The following EVC variants were observed in gnomAD, a reference collection of about 807,000 sequenced individuals.
The protein encoded by EVC is EvC ciliary complex subunit 1.
A neutral mutation model predicts 118.9 loss-of-function variants in EVC; 116 were observed. The ratio of observed to expected loss-of-function variants is 0.98; its 90% confidence interval spans 0.84 to 1.14. The LOEUF (loss-of-function observed/expected upper bound fraction) is 1.14, where lower values mean the gene tolerates loss of function less well. Among genes scored for constraint, EVC ranks in the 50% most tolerant of loss-of-function variants. The pLI, the probability that EVC is intolerant of heterozygous loss-of-function variation, is 0.00. For synonymous variants in EVC, 619 were observed against 534.7 expected (o/e 1.16, Z -2.18); for missense variants, 1,401 against 1,246.4 (o/e 1.12, Z -1.87).
intron 2 of EVC, among the ~76,000 whole-genome samples, chr4:5,729,042 A>C (rs1022099044): frequency 6.6e-6 from 1 of 151,816 alleles, no homozygotes; most frequent in East Asian, 1.9e-4. Context: ...TCATCTGTCT[A>C]CCTATCCATC....
chr4:5,748,968 ATTGGGGTGC>A lies in EVC; in HGVS notation c.1098+663_1098+671del, dbSNP rs537048629. The stretch of plus-strand genomic sequence containing the variant: ...ATCCCAGAGTTTCTGACTTAATCAG[ATTGGGGTGC>A]AACCTGGCTGGGCATTGGGGTTTTT... On this transcript the variant is annotated intron_variant, in intron 8 of 20. Transcript: ENST00000264956. 4.3e-4 allele frequency among the ~76,000 whole-genome samples: 66 copies of A among 152,148 alleles called. 1 individual carries two copies. Among genetic ancestry groups the A allele is most frequent in the African/African-American group, 1.6e-3 (66 of 41,504 alleles).
Position 5,745,241 on chromosome 4 carries a change from T to A in EVC, c.839T>A (p.Leu280Gln). 6 of 1,614,078 alleles carry A rather than the reference T, an allele frequency of 3.7e-6. No homozygotes were observed. Among genetic ancestry groups the A allele is most frequent in the Non-Finnish European group, 5.1e-6 (6 of 1,179,950 alleles). The change falls in exon 7 of 21, where the codon CTG becomes CAG. Residue 280 changes from leucine (L) to glutamine (Q), a missense_variant. Physicochemically the swap from Leu to Gln is moderately radical, Grantham distance 113. Coordinates refer to ENST00000264956, the MANE Select transcript of EVC (RefSeq NM_153717.3). ...CTAGAAAAGGGACTTCAGGTCAAAC[T>A]GTCAAACACAGAAATGTCGGGGGCT... is the stretch of plus-strand genomic sequence containing the variant. ...EELEKGLQVK[L>Q]SNTEMSGAGD...
the EVC span, chr4:5,821,949 C>T: frequency 3.6e-6 from 4 of 1,114,558 alleles, no homozygotes; most frequent in Non-Finnish European, 5.1e-6. The surrounding 1 kb of genome is among the most constrained non-coding windows in gnomAD (Gnocchi z 4.4). Context: ...TCCACTGGAC[C>T]CACCTTCATT....
chr4:5,817,190 C>T (rs1260907693), downstream of EVC, among the ~76,000 whole-genome samples: 2 of 152,152 alleles, frequency 1.3e-5, no homozygotes, highest in Non-Finnish European at 2.9e-5. Context: ...AGGTCCTGGT[C>T]GACATTCTTC....
At chr4:5,761,036 G>A (rs1731927765) in intron 11 of EVC, among the ~76,000 whole-genome samples, 2 of 152,192 alleles carry the variant, frequency 1.3e-5, no homozygotes, top group South Asian at 2.1e-4. Flanking sequence ...CATAGGAGCA[G>A]GCTAAAATCC....
At chr4:5,825,836 C>G in the EVC span, 3 of 630,388 alleles carry the variant, frequency 4.8e-6, no homozygotes, top group Non-Finnish European at 8.2e-6. The surrounding 1 kb of genome is among the most constrained non-coding windows in gnomAD (Gnocchi z 4.4). Flanking sequence ...CAGCCGCACA[C>G]AGGCATTCAT....
chr4:5,791,201 A>T (rs969996754), intron 12 of EVC, among the ~76,000 whole-genome samples: 7 of 152,256 alleles, frequency 4.6e-5, no homozygotes, highest in Non-Finnish European at 1.0e-4. Context: ...GCGAACTAGA[A>T]GATAAATGTG....
chr4:5,712,446 C>G (rs1186306938), intron 1 of EVC, among the ~76,000 whole-genome samples: 4 of 152,174 alleles, frequency 2.6e-5, no homozygotes, highest in Non-Finnish European at 5.9e-5. Flanking sequence ...ATGGAATTGG[C>G]TGTGCATGGC....
At position 5,785,065 on chromosome 4, in the gene EVC, ACTAG is replaced by A. The variant is rs1364124444; in HGVS notation, c.1776+1303_1776+1306del. ...ATCCTCAATATCCATATCCCTTGCA[ACTAG>A]CCATGGCTGAGTGACACTGCTCTGG... On this transcript the variant is annotated intron_variant, in intron 12 of 20. Coordinates refer to ENST00000264956, the MANE Select transcript of EVC (RefSeq NM_153717.3). Among the ~76,000 whole-genome samples, 9 of 152,232 alleles carry A rather than the reference ACTAG, an allele frequency of 5.9e-5. No homozygotes were observed. The East Asian group carries it at 1.7e-3, about 29-fold the overall frequency.
At position 5,756,436 on chromosome 4, in the gene EVC, GC is replaced by G. The variant is rs1329672914; in HGVS notation, c.1563+75del. 6.0e-6 allele frequency: 8 copies of G among 1,340,968 alleles called. No homozygotes were observed. The Admixed American group carries it at 1.6e-4, about 26-fold the overall frequency. The allele number at this position is 1,340,968 out of a possible 1,614,324, so 83.1% of individuals were successfully genotyped here. ...TGTGCGAGAACCTCACATCCTCCTGGCTGGGGACCCCAGAGGTGGTTCAGGT... is the reference window on the plus strand; with the variant it reads ...TGTGCGAGAACCTCACATCCTCCTGGTGGGGACCCCAGAGGTGGTTCAGGT... On this transcript the variant is annotated intron_variant, in intron 11 of 20. Transcript: ENST00000264956. The surrounding 1 kb of genome is among the most constrained non-coding windows in gnomAD (Gnocchi z 4.2).
rs899057439 is a variant in EVC at position 5,789,631 on chromosome 4, C to T, written c.1777-3977C>T. ...AGTTTGAAACAAAGAGTAAAACTTA[C>T]TTGAGGCCACAAAATGACCTGGTAG... On this transcript the variant is annotated intron_variant, in intron 12 of 20. Transcript: ENST00000264956. This position sits in a 1 kb window ranked among gnomAD's most constrained non-coding sequence, Gnocchi z 4.3. 6.6e-6 allele frequency among the ~76,000 whole-genome samples: 1 copy of T among 152,166 alleles called. No homozygotes were observed.
At chr4:5,744,522 CAGA>C (rs1379855731) in intron 6 of EVC, among the ~76,000 whole-genome samples, 3 of 152,136 alleles carry the variant, frequency 2.0e-5, no homozygotes, top group Non-Finnish European at 4.4e-5. Context: ...GTCAGGAGGA[CAGA>C]TATAGAAATG....
intron 16 of EVC, among the ~76,000 whole-genome samples, chr4:5,802,668 C>G (rs1175431193): frequency 6.6e-6 from 1 of 152,188 alleles, no homozygotes; most frequent in Non-Finnish European, 1.5e-5. Context: ...AATGCACAAC[C>G]TAGATCCCTC....
At chr4:5,781,934 G>A (rs902255441) in intron 11 of EVC, among the ~76,000 whole-genome samples, 13 of 152,134 alleles carry the variant, frequency 8.5e-5, no homozygotes, top group Non-Finnish European at 1.5e-5. Context: ...ATGATATGCA[G>A]GGAAAGTAGA....
At chr4:5,780,732 C>T (rs971102802) in intron 11 of EVC, among the ~76,000 whole-genome samples, 4 of 152,168 alleles carry the variant, frequency 2.6e-5, no homozygotes, top group Non-Finnish European at 2.9e-5. Context: ...AGGAGGGGCA[C>T]CTCTTCTGGG....
Position 5,743,127 on chromosome 4 carries a change from G to A in EVC, c.801+1313G>A, listed in dbSNP as rs987373181. Reference sequence around the variant, plus strand: ...TGGTAACTTTTGGGTTGTTGACATGGCATTTGTAATCTGTGGTTGTGCTGG... The same window carrying A: ...TGGTAACTTTTGGGTTGTTGACATGACATTTGTAATCTGTGGTTGTGCTGG... On this transcript the variant is annotated intron_variant, in intron 6 of 20. Coordinates refer to ENST00000264956, the MANE Select transcript of EVC (RefSeq NM_153717.3). The surrounding 1 kb of genome is among the most constrained non-coding windows in gnomAD (Gnocchi z 4.7). Among the ~76,000 whole-genome samples the A allele has an allele frequency of 3.9e-5, 6 of 152,164 alleles. No individual in the cohort carries two copies. The highest frequency in any genetic ancestry group is 1.4e-4 in the African/African-American group (6 of 41,458).
chr4:5,780,432 A>T (rs958649381), intron 11 of EVC, among the ~76,000 whole-genome samples: 1 of 152,204 alleles, frequency 6.6e-6, no homozygotes, highest in Non-Finnish European at 1.5e-5. Flanking sequence ...CCAGTTGCTC[A>T]TCTTCTCTGT....
rs1728003900 is a variant in EVC at position 5,738,381 on chromosome 4, G to A, written c.703-3335G>A. Among the ~76,000 whole-genome samples the A allele has an allele frequency of 6.6e-6, 1 of 152,198 alleles. No individual in the cohort carries two copies. The highest frequency in any genetic ancestry group is 1.5e-5 in the Non-Finnish European group (1 of 68,042). On this transcript the variant is annotated intron_variant, in intron 5 of 20. Coordinates refer to ENST00000264956, the MANE Select transcript of EVC (RefSeq NM_153717.3). The surrounding 1 kb of genome is among the most constrained non-coding windows in gnomAD (Gnocchi z 6.5). ...AGCAGCTGCAGGGTTTGAGAGGATTGACTCCAAGTTTTAAAGTTCTACTGT... is the reference window on the plus strand; with the variant it reads ...AGCAGCTGCAGGGTTTGAGAGGATTAACTCCAAGTTTTAAAGTTCTACTGT...
At position 5,748,425 on chromosome 4, in the gene EVC, A is replaced by AG. The variant is rs376047995; in HGVS notation, c.1098+122dup. 6.8e-4 allele frequency: 630 copies of AG among 924,378 alleles called. 2 individuals carry two copies. Among genetic ancestry groups the AG allele is most frequent in the Non-Finnish European group, 7.4e-4 (468 of 636,064 alleles). The allele number at this position is 924,378 out of a possible 1,614,324, so 57.3% of individuals were successfully genotyped here. On this transcript the variant is annotated intron_variant, in intron 8 of 20. Transcript: ENST00000264956. ...GTTGTAGCTGGTTATATAGAGCCTC[A>AG]GGGAAAAAAAAACCAACAACAACAG... is the stretch of plus-strand genomic sequence containing the variant.
Sources: allele counts gnomAD v4.1 joint callset (sites outside exome capture counted in the v4.1 genomes callset), GRCh38; gene constraint gnomAD v4.1.1; non-coding constraint Gnocchi (gnomAD v3.1); transcripts MANE v1.5; gene names NCBI Gene and HGNC (gene_info 2026-07-23, HGNC 2026-07-21).